CDH13: variants seen among roughly 807,000 people sequenced by gnomAD.
The protein encoded by CDH13 is cadherin 13.
In CDH13, 24 loss-of-function variants were observed where a neutral mutation model predicts 63.8. The ratio of observed to expected loss-of-function variants is 0.38; its 90% CI spans 0.27 to 0.53. The LOEUF is 0.53. Ranked by LOEUF, CDH13 falls within the 20% of genes least tolerant of loss-of-function variation. The pLI, the probability that CDH13 is intolerant of heterozygous loss-of-function variation, is 0.85. For synonymous variants in CDH13, 503 were observed against 355.3 expected (o/e 1.42, Z -4.67); for missense variants, 1,049 against 903.1 (o/e 1.16, Z -2.07).
intron 6 of CDH13, among the ~76,000 whole-genome samples, chr16:83,461,202 A>G (rs2073173162): frequency 6.6e-6 from 1 of 152,172 alleles, no homozygotes; most frequent in Non-Finnish European, 1.5e-5. Flanking sequence ...ATGTGTGTAT[A>G]TAGGTACATA....
At chr16:83,668,822 T>G (rs1281243224) in intron 8 of CDH13, among the ~76,000 whole-genome samples, 1 of 152,176 alleles carries the variant, frequency 6.6e-6, no homozygotes, top group Non-Finnish European at 1.5e-5. Flanking sequence ...AGATCACACA[T>G]GTGTCACCAA....
intron 1 of CDH13, among the ~76,000 whole-genome samples, chr16:82,699,762 C>G (rs1466017833): frequency 1.3e-5 from 2 of 152,200 alleles, no homozygotes; most frequent in African/African-American, 2.4e-5. Flanking sequence ...ACAAACGTAA[C>G]AGGATATTAA....
intron 7 of CDH13, among the ~76,000 whole-genome samples, chr16:83,522,703 G>A (rs1022923376): frequency 6.6e-6 from 1 of 152,118 alleles, no homozygotes; most frequent in African/African-American, 2.4e-5. Flanking sequence ...CACATCCCTG[G>A]GCCCTGTCGG....
rs550691288 is a variant in CDH13 at position 83,024,022 on chromosome 16, T to C, written c.158-7988T>C. On this transcript the variant is annotated intron_variant, in intron 2 of 13. Transcript: ENST00000567109. ...AATTTCTGTTTTTATCAAGACTTCA[T>C]TATTTATATTAAATAAATTATTTCT... 1.9e-3 allele frequency among the ~76,000 whole-genome samples: 291 copies of C among 152,354 alleles called. 1 individual carries two copies. The highest frequency in any genetic ancestry group is 0.017 in the Middle Eastern group (5 of 294).
At chr16:82,913,883 C>T (rs914563304) in intron 2 of CDH13, among the ~76,000 whole-genome samples, 2 of 152,086 alleles carry the variant, frequency 1.3e-5, no homozygotes, top group Non-Finnish European at 2.9e-5. Context: ...GGAGTTTAAT[C>T]CTTAAGGAGA....
intron 7 of CDH13, among the ~76,000 whole-genome samples, chr16:83,569,138 T>C (rs1048425239): frequency 6.6e-6 from 1 of 152,108 alleles, no homozygotes; most frequent in Non-Finnish European, 1.5e-5. Context: ...ATGAGGACCT[T>C]GCCTGCCCTC....
chr16:83,399,819 C>T (rs2091940798), intron 6 of CDH13, among the ~76,000 whole-genome samples: 1 of 152,142 alleles, frequency 6.6e-6, no homozygotes, highest in Admixed American at 6.5e-5. Flanking sequence ...CCGCATTTAG[C>T]ACAGTGCCTC....
intron 4 of CDH13, among the ~76,000 whole-genome samples, chr16:83,150,994 T>C (rs1240505062): frequency 6.6e-6 from 1 of 152,190 alleles, no homozygotes; most frequent in East Asian, 1.9e-4. Context: ...TGATCATATA[T>C]TATTCATCTT....
At chr16:83,325,957 GT>G (rs1442948007) in intron 5 of CDH13, among the ~76,000 whole-genome samples, 1 of 152,130 alleles carries the variant, frequency 6.6e-6, no homozygotes, top group African/African-American at 2.4e-5. Flanking sequence ...GATATGCTCA[GT>G]AAATGCTAAA....
At chr16:83,282,984 T>A (rs2089217860) in intron 5 of CDH13, among the ~76,000 whole-genome samples, 1 of 152,240 alleles carries the variant, frequency 6.6e-6, no homozygotes, top group African/African-American at 2.4e-5. Flanking sequence ...AAACTCCGAA[T>A]TAATTCTGTT....
chr16:82,712,277 A>C (rs936298221), intron 1 of CDH13, among the ~76,000 whole-genome samples: 4 of 152,184 alleles, frequency 2.6e-5, no homozygotes, highest in African/African-American at 9.7e-5. Context: ...GGTGTAATTT[A>C]GAGAAAGTCT....
chr16:82,944,970 T>C (rs1356277028), intron 2 of CDH13, among the ~76,000 whole-genome samples: 1 of 152,186 alleles, frequency 6.6e-6, no homozygotes, highest in Non-Finnish European at 1.5e-5. Flanking sequence ...CAGTAGCAAC[T>C]GTAGAAAATA....
intron 1 of CDH13, among the ~76,000 whole-genome samples, chr16:82,834,841 A>G (rs891230327): frequency 6.6e-6 from 1 of 152,238 alleles, no homozygotes; most frequent in Non-Finnish European, 1.5e-5. Flanking sequence ...CTAGCAAGCT[A>G]AAATGGTTTT....
chr16:83,738,245 C>A (rs978879730), intron 10 of CDH13, among the ~76,000 whole-genome samples: 1 of 152,170 alleles, frequency 6.6e-6, no homozygotes. Context: ...TGCTGTCTTC[C>A]CAACACCAAG....
At position 83,762,161 on chromosome 16, in the gene CDH13, A is replaced by G. The variant is rs192867699; in HGVS notation, c.1681+13911A>G. Among the ~76,000 whole-genome samples, 82 of 152,334 alleles carry G rather than the reference A, an allele frequency of 5.4e-4. 1 individual carries two copies. Among genetic ancestry groups the G allele is most frequent in the Non-Finnish European group, 9.8e-4 (67 of 68,030 alleles). On this transcript the variant is annotated intron_variant, in intron 11 of 13. Coordinates refer to ENST00000567109, the MANE Select transcript of CDH13 (RefSeq NM_001257.5). Reference sequence around the variant, plus strand: ...GAAATGCTTTTGTTTTGCTACATCAAAACTGGCTGTGGCCAAATGACTTGA... The same window carrying G: ...GAAATGCTTTTGTTTTGCTACATCAGAACTGGCTGTGGCCAAATGACTTGA...
intron 10 of CDH13, chr16:83,716,868 T>C (rs8051258): frequency 1.2e-4 from 19 of 152,002 alleles, no homozygotes; most frequent in African/African-American, 4.6e-4. Context: ...TTTGGAAATA[T>C]CTGAATTTTC....
chr16:82,664,156 C>T (rs8182216), intron 1 of CDH13, among the ~76,000 whole-genome samples: 43,140 of 152,174 alleles, frequency 0.28, 7,451 homozygotes, highest in East Asian at 0.55. Context: ...ACATAGTAAG[C>T]GCTAAATAAA....
At chr16:83,556,567 G>A (rs1377297024) in intron 7 of CDH13, among the ~76,000 whole-genome samples, 1 of 152,138 alleles carries the variant, frequency 6.6e-6, no homozygotes, top group Admixed American at 6.6e-5. Context: ...CAATCACAAA[G>A]CCATTAAGTG....
chr16:82,821,878 C>T (rs2038018521), intron 1 of CDH13, among the ~76,000 whole-genome samples: 1 of 152,176 alleles, frequency 6.6e-6, no homozygotes, highest in Non-Finnish European at 1.5e-5. Context: ...AATGTATGGT[C>T]CCCTTGGACC....
Sources: allele counts gnomAD v4.1 joint callset (sites outside exome capture counted in the v4.1 genomes callset), GRCh38; gene constraint gnomAD v4.1.1; transcripts MANE v1.5; gene names NCBI Gene and HGNC (gene_info 2026-07-23, HGNC 2026-07-21).